The following CNTNAP5 variants were observed in gnomAD, a reference collection of about 807,000 sequenced individuals.
CNTNAP5 encodes the protein contactin-associated protein-like 5.
A neutral mutation model predicts 150.2 loss-of-function variants in CNTNAP5; 72 were observed. That is an observed-to-expected ratio of 0.48 (90% CI 0.40 to 0.58). The LOEUF is 0.58. CNTNAP5 is among the 20% of genes least tolerant of loss of function. The pLI is 0.00. For missense variants in CNTNAP5, 1,636 were observed against 1,626.2 expected, an observed-to-expected ratio of 1.01 and a Z score of -0.10; for synonymous variants, 672 against 619.8, an observed-to-expected ratio of 1.08 and a Z score of -1.25.
intron 6 of CNTNAP5, among the ~76,000 whole-genome samples, chr2:124,467,137 A>C (rs1285403293): frequency 6.6e-6 from 1 of 152,192 alleles, no homozygotes; most frequent in Non-Finnish European, 1.5e-5. Context: ...TAAAATATCA[A>C]TAAATGCAAA....
intron 6 of CNTNAP5, among the ~76,000 whole-genome samples, chr2:124,469,551 A>T (rs1693454202): frequency 6.6e-6 from 1 of 152,008 alleles, no homozygotes; most frequent in African/African-American, 2.4e-5. Flanking sequence ...TCCAAAATAG[A>T]TCTTTTCTTT....
chr2:124,451,067 T>TATATATATAC (rs1692964499), intron 6 of CNTNAP5, among the ~76,000 whole-genome samples: 1 of 92,522 alleles, frequency 1.1e-5, no homozygotes, highest in African/African-American at 4.0e-5. Context: ...TATATATATA[T>TATATATATAC]ATATATATAT....
At chr2:124,528,702 G>A (rs1054084285) in intron 10 of CNTNAP5, among the ~76,000 whole-genome samples, 5 of 152,174 alleles carry the variant, frequency 3.3e-5, no homozygotes, top group African/African-American at 1.2e-4. Context: ...GGCAGGACCA[G>A]TCATGAAGGA....
In CNTNAP5 at chr2:124,200,033, A is replaced by C. The variant is rs56780266; in HGVS notation, c.83-21672A>C. Among the ~76,000 whole-genome samples the C allele has an allele frequency of 9.9e-3, 1,506 of 152,262 alleles. 20 individuals are homozygous for C. Among genetic ancestry groups the C allele is most frequent in the African/African-American group, 0.035 (1,438 of 41,556 alleles). On this transcript the variant is annotated intron_variant, in intron 1 of 23. Transcript: ENST00000682447. ...CAAGTGAATAATGTTCATGGTGGGC[A>C]TATCTGTCTTTTTCGTGATTCTAAA...
intron 3 of CNTNAP5, among the ~76,000 whole-genome samples, chr2:124,399,802 A>G (rs1477375504): frequency 6.6e-6 from 1 of 152,174 alleles, no homozygotes; most frequent in South Asian, 2.1e-4. Flanking sequence ...ATAATTTTGA[A>G]TAGTCTGGGT....
chr2:124,130,612 A>T (rs1024001629), intron 1 of CNTNAP5, among the ~76,000 whole-genome samples: 16 of 152,164 alleles, frequency 1.1e-4, no homozygotes, highest in Non-Finnish European at 1.9e-4. Context: ...TTATAGGTGC[A>T]GTCCAGGGGT....
At chr2:124,683,462 A>G (rs1679116447) in intron 13 of CNTNAP5, among the ~76,000 whole-genome samples, 1 of 151,986 alleles carries the variant, frequency 6.6e-6, no homozygotes, top group Non-Finnish European at 1.5e-5. Context: ...GTGGTTATTT[A>G]TGAGATTTTA....
chr2:124,169,469 T>C (rs1398121859), intron 1 of CNTNAP5, among the ~76,000 whole-genome samples: 3 of 152,172 alleles, frequency 2.0e-5, no homozygotes, highest in African/African-American at 7.2e-5. Context: ...AAAGTTCCTG[T>C]AAAGGCTCTT....
intron 1 of CNTNAP5, among the ~76,000 whole-genome samples, chr2:124,123,309 C>G (rs1167186499): frequency 6.6e-6 from 1 of 152,144 alleles, no homozygotes; most frequent in Non-Finnish European, 1.5e-5. Context: ...ATTGCTAGCA[C>G]AGCAGTCTGA....
chr2:124,178,305 C>A (rs912814888), intron 1 of CNTNAP5, among the ~76,000 whole-genome samples: 8 of 152,182 alleles, frequency 5.3e-5, no homozygotes, highest in African/African-American at 1.9e-4. Flanking sequence ...ACCCAGGCAT[C>A]CGCTAGGCTA....
Position 124,133,410 on chromosome 2 carries a change from C to T in CNTNAP5, c.83-88295C>T, listed in dbSNP as rs150145918. On this transcript the variant is annotated intron_variant, in intron 1 of 23. Coordinates refer to ENST00000682447, the MANE Select transcript of CNTNAP5 (RefSeq NM_001367498.1). ...GCCTTCCTTGGATGATCTAAGCTTC[C>T]GTACAGTCTGAAGGAGTTCTATGGT... 3.8e-3 allele frequency among the ~76,000 whole-genome samples: 573 copies of T among 152,256 alleles called. 3 individuals are homozygous for T. Among genetic ancestry groups the T allele is most frequent in the African/African-American group, 0.013 (552 of 41,546 alleles).
chr2:124,411,090 T>C (rs1691747507), intron 3 of CNTNAP5, among the ~76,000 whole-genome samples: 1 of 152,196 alleles, frequency 6.6e-6, no homozygotes, highest in Admixed American at 6.5e-5. Context: ...CATCAGAGAA[T>C]ACTACAAACA....
chr2:124,532,856 C>T (rs569499485), intron 10 of CNTNAP5, among the ~76,000 whole-genome samples: 5 of 152,208 alleles, frequency 3.3e-5, no homozygotes, highest in South Asian at 2.1e-4. Flanking sequence ...GACTGGAATG[C>T]GGTAGATGCT....
chr2:124,455,101 A>G (rs562294669), intron 6 of CNTNAP5, among the ~76,000 whole-genome samples: 2 of 152,246 alleles, frequency 1.3e-5, no homozygotes, highest in African/African-American at 4.8e-5. Context: ...AAGATAAATG[A>G]AACAAAAATC....
At chr2:124,314,965 T>C (rs539827989) in intron 3 of CNTNAP5, among the ~76,000 whole-genome samples, 1 of 151,120 alleles carries the variant, frequency 6.6e-6, no homozygotes, top group Non-Finnish European at 1.5e-5. Context: ...AAGTATATAA[T>C]GCATACATCA....
intron 5 of CNTNAP5, among the ~76,000 whole-genome samples, chr2:124,435,083 C>T (rs1349514569): frequency 6.6e-6 from 1 of 152,144 alleles, no homozygotes; most frequent in Admixed American, 6.5e-5. Flanking sequence ...ATTTTGGTTG[C>T]TCCGGGTTAT....
intron 1 of CNTNAP5, among the ~76,000 whole-genome samples, chr2:124,124,384 A>G (rs2104719933): frequency 6.6e-6 from 1 of 152,334 alleles, no homozygotes; most frequent in East Asian, 1.9e-4. Context: ...GAAGAAATGA[A>G]CAAAGCCTCC....
At chr2:124,161,200 T>G (rs1055860151) in intron 1 of CNTNAP5, among the ~76,000 whole-genome samples, 11 of 152,178 alleles carry the variant, frequency 7.2e-5, no homozygotes, top group Non-Finnish European at 1.6e-4. Flanking sequence ...GTTTCATTTA[T>G]ATTTTATAGA....
At chr2:124,389,542 T>C (rs956669576) in intron 3 of CNTNAP5, among the ~76,000 whole-genome samples, 1 of 152,222 alleles carries the variant, frequency 6.6e-6, no homozygotes, top group African/African-American at 2.4e-5. Context: ...AACAAATGAG[T>C]TAATTATTCA....
Sources: allele counts gnomAD v4.1 joint callset (sites outside exome capture counted in the v4.1 genomes callset), GRCh38; gene constraint gnomAD v4.1.1; transcripts MANE v1.5; gene names NCBI Gene and HGNC (gene_info 2026-07-23, HGNC 2026-07-21).